RNF138: variants seen among roughly 807,000 people sequenced by gnomAD.
RNF138 encodes ring finger protein 138, also known as E3 ubiquitin-protein ligase RNF138.
A neutral mutation model predicts 31.0 loss-of-function variants in RNF138; 12 were observed. The observed-to-expected ratio is 0.39, with a 90% CI of 0.25 to 0.63. The LOEUF (loss-of-function observed/expected upper bound fraction) is 0.63, where lower values mean the gene tolerates loss of function less well. Among genes scored for constraint, RNF138 ranks in the 20% least tolerant of loss-of-function variants. The pLI is 0.52. For synonymous variants in RNF138, 105 were observed against 99.5 expected, an observed-to-expected ratio of 1.06 and a Z score of -0.33; for missense variants, 192 against 300.1, an observed-to-expected ratio of 0.64 and a Z score of 2.66.
At chr18:32,101,601 A>T (rs1024937020) in intron 2 of RNF138, among the ~76,000 whole-genome samples, 2 of 152,080 alleles carry the variant, frequency 1.3e-5, no homozygotes, top group African/African-American at 4.8e-5. Flanking sequence ...TCATGAATGG[A>T]TAGTTTCTGG....
At chr18:32,098,236 C>T (rs1568224531) in intron 2 of RNF138, among the ~76,000 whole-genome samples, 2 of 151,782 alleles carry the variant, frequency 1.3e-5, no homozygotes, top group African/African-American at 2.4e-5. Context: ...GAACTCCTGA[C>T]CTCAAGTGAT....
chr18:32,127,007 TAG>T (rs1322018671), intron 7 of RNF138, among the ~76,000 whole-genome samples: 1 of 152,096 alleles, frequency 6.6e-6, no homozygotes, highest in Admixed American at 6.5e-5. Context: ...CCTCCTGTAC[TAG>T]AGAGAGAATT....
intron 2 of RNF138, among the ~76,000 whole-genome samples, chr18:32,101,889 T>G (rs1487753880): frequency 6.6e-6 from 1 of 152,154 alleles, no homozygotes; most frequent in Non-Finnish European, 1.5e-5. Flanking sequence ...ACATTTTTGC[T>G]TGTTTGAGAC....
intron 2 of RNF138, among the ~76,000 whole-genome samples, chr18:32,101,237 C>G (rs1374756611): frequency 2.8e-5 from 4 of 142,702 alleles, no homozygotes; most frequent in African/African-American, 7.9e-5. Context: ...TTTTCAAAGA[C>G]AGAGTCTGGC....
At chr18:32,110,849 C>T (rs1029436428) in intron 2 of RNF138, among the ~76,000 whole-genome samples, 2 of 151,626 alleles carry the variant, frequency 1.3e-5, no homozygotes, top group Non-Finnish European at 2.9e-5. Context: ...GGTGCAATCT[C>T]GGCTCACTGC....
intron 2 of RNF138, among the ~76,000 whole-genome samples, chr18:32,110,180 A>T (rs1286595419): frequency 2.6e-5 from 4 of 151,990 alleles, no homozygotes; most frequent in Non-Finnish European, 5.9e-5. Flanking sequence ...TTTTGTAGAG[A>T]CAGGGTCTTG....
chr18:32,130,473 G>A lies in RNF138; in HGVS notation c.*1286G>A, dbSNP rs1299030524. ...AGAATCACAAAGTATTTTGTAGAAG[G>A]CCCAAATCACAGAATAAAGGACTAA... On this transcript the variant is annotated 3_prime_UTR_variant, in exon 8 of 8. Transcript: ENST00000261593. 1.3e-5 allele frequency: 2 copies of A among 152,262 alleles called. No individual in the cohort carries two copies. Among genetic ancestry groups the A allele is most frequent in the African/African-American group, 4.8e-5 (2 of 41,388 alleles). 9.4% of individuals were successfully genotyped at this position (152,262 alleles called of 1,614,324 possible). A position where few individuals can be genotyped will look rare whatever the true frequency, so the allele number is the denominator to read the frequency against.
chr18:32,095,709 A>G (rs2039792099), intron 2 of RNF138, among the ~76,000 whole-genome samples: 1 of 152,246 alleles, frequency 6.6e-6, no homozygotes, highest in Admixed American at 6.5e-5. Context: ...AAAAGGAGCA[A>G]GTTCATTATC....
intron 2 of RNF138, among the ~76,000 whole-genome samples, chr18:32,108,582 A>T (rs987101935): frequency 6.6e-6 from 1 of 152,126 alleles, no homozygotes. Context: ...TGGCGGACCT[A>T]TGTATAGTTT....
chr18:32,100,224 A>G (rs945627440), intron 2 of RNF138, among the ~76,000 whole-genome samples: 1 of 150,486 alleles, frequency 6.6e-6, no homozygotes, highest in Non-Finnish European at 1.5e-5. Flanking sequence ...ATATATATAA[A>G]ATCTTTGGTT....
At chr18:32,124,656 T>G (rs1389087529) in intron 5 of RNF138, 78 bp from the exon 6 acceptor site, 5 of 741,862 alleles carry the variant, frequency 6.7e-6, no homozygotes, top group African/African-American at 1.8e-5. Context: ...AAATGTATAG[T>G]GATTCCTCAA....
At chr18:32,111,384 C>T (rs761678763) in intron 2 of RNF138, among the ~76,000 whole-genome samples, 5 of 152,136 alleles carry the variant, frequency 3.3e-5, no homozygotes, top group Non-Finnish European at 5.9e-5. Context: ...ATCCAGTGTG[C>T]GTTAATTTGT....
intron 4 of RNF138, among the ~76,000 whole-genome samples, chr18:32,118,040 A>G (rs1266143266): frequency 2.0e-5 from 3 of 152,200 alleles, no homozygotes; most frequent in African/African-American, 4.8e-5. Context: ...ACTGGATGTC[A>G]GTAGGCTCAT....
intron 2 of RNF138, among the ~76,000 whole-genome samples, chr18:32,110,675 A>G (rs1252444167): frequency 6.6e-6 from 1 of 152,204 alleles, no homozygotes. Context: ...TCTGTAATTT[A>G]ACTGGTTCTC....
chr18:32,101,017 CCTTT>C (rs979808275), intron 2 of RNF138, among the ~76,000 whole-genome samples: 4 of 152,128 alleles, frequency 2.6e-5, no homozygotes, highest in South Asian at 4.2e-4. Flanking sequence ...TATCGATGAC[CCTTT>C]CTTTAGGAAG....
chr18:32,103,734 C>T lies in RNF138; in HGVS notation c.111-8020C>T, dbSNP rs1426802209. ...ATCCCAGCACTTTGGGAGGCCGAGG[C>T]GGGTGGATCACGAGGTCAGGAGATC... On this transcript the variant is annotated intron_variant, in intron 2 of 7. Transcript: ENST00000261593. Among the ~76,000 whole-genome samples, 7 of 152,020 alleles carry T rather than the reference C, an allele frequency of 4.6e-5. No homozygotes were observed. The East Asian group carries it at 1.2e-3, about 25-fold the overall frequency.
At chr18:32,105,283 G>T (rs12458837) in intron 2 of RNF138, among the ~76,000 whole-genome samples, 54,245 of 151,792 alleles carry the variant, frequency 0.36, 11,649 homozygotes, top group Admixed American at 0.52. Context: ...GTAGAGACAG[G>T]TTTCACCATG....
At chr18:32,093,339 CGCTCG>C (rs1568220837) in intron 2 of RNF138, among the ~76,000 whole-genome samples, 1 of 152,072 alleles carries the variant, frequency 6.6e-6, no homozygotes, top group African/African-American at 2.4e-5. Flanking sequence ...CGCGCGGGCC[CGCTCG>C]CCCCGCGACC....
rs1392344600 is a variant in RNF138 at position 32,130,092 on chromosome 18, T to TTG, written c.*911_*912dup. 1 of 152,452 alleles carries TTG rather than the reference T, an allele frequency of 6.6e-6. No homozygotes were observed. The highest frequency in any genetic ancestry group is 1.5e-5 in the Non-Finnish European group (1 of 67,894). 9.4% of individuals were successfully genotyped at this position (152,452 alleles called of 1,614,324 possible). A position where few individuals can be genotyped will look rare whatever the true frequency, so the allele number is the denominator to read the frequency against. On this transcript the variant is annotated 3_prime_UTR_variant, in exon 8 of 8. Coordinates refer to ENST00000261593, the MANE Select transcript of RNF138 (RefSeq NM_016271.5). ...TAAAGATGTATATATACATATACTT[T>TTG]TGTGTGTATATATACACATATGTGT...
Sources: allele counts gnomAD v4.1 joint callset (sites outside exome capture counted in the v4.1 genomes callset), GRCh38; gene constraint gnomAD v4.1.1; transcripts MANE v1.5; gene names NCBI Gene and HGNC (gene_info 2026-07-23, HGNC 2026-07-21).